COL19A1: variants seen among roughly 807,000 people sequenced by gnomAD.
The protein encoded by COL19A1 is collagen type XIX alpha 1 chain.
In COL19A1, 159 loss-of-function variants were observed where a neutral mutation model predicts 190.2. The ratio of observed to expected loss-of-function variants is 0.84; its 90% CI spans 0.73 to 0.95. COL19A1 has a LOEUF of 0.95. COL19A1 is among the 40% of genes least tolerant of loss of function. The probability of loss-of-function intolerance (pLI) is 0.00; values close to 1 mark genes in which losing one functional copy is unlikely to be tolerated. For synonymous variants in COL19A1, 509 were observed against 458.9 expected (o/e 1.11, Z -1.39); for missense variants, 1,418 against 1,431.9 (o/e 0.99, Z 0.16).
chr6:70,129,051 A>G (rs1020210694), intron 17 of COL19A1, among the ~76,000 whole-genome samples: 3 of 152,236 alleles, frequency 2.0e-5, no homozygotes, highest in African/African-American at 7.2e-5. Context: ...GAACTTACAA[A>G]TACAGATTTT....
At chr6:70,034,182 C>T in intron 12 of COL19A1, 63 bp from the exon 13 acceptor site, 2 of 1,120,882 alleles carry the variant, frequency 1.8e-6, no homozygotes, top group Non-Finnish European at 2.7e-6. Flanking sequence ...TATTTTGTTA[C>T]TAATGACTTG....
chr6:70,065,629 G>A (rs955437518), intron 14 of COL19A1, among the ~76,000 whole-genome samples: 3 of 152,128 alleles, frequency 2.0e-5, no homozygotes, highest in Admixed American at 6.5e-5. Context: ...AAACTAAAGA[G>A]CTTCTGCACA....
At position 70,100,781 on chromosome 6, in the gene COL19A1, GT is replaced by G. The variant is rs558223651; in HGVS notation, c.1225-1383del. On this transcript the variant is annotated intron_variant, in intron 15 of 50. Transcript: ENST00000620364. The stretch of plus-strand genomic sequence containing the variant: ...TTGTGAGCCACCATGCCTAGCCTAT[GT>G]TTTTAATTTTTAAAAAATTTTAAAT... 6.4e-3 allele frequency among the ~76,000 whole-genome samples: 976 copies of G among 152,036 alleles called. 11 individuals are homozygous for G. Among genetic ancestry groups the G allele is most frequent in the African/African-American group, 0.021 (889 of 41,498 alleles).
intron 9 of COL19A1, among the ~76,000 whole-genome samples, chr6:69,945,842 T>G (rs1773761736): frequency 6.6e-6 from 1 of 152,058 alleles, no homozygotes; most frequent in South Asian, 2.1e-4. Context: ...TTCTACCAAG[T>G]GTTAGTGACA....
At chr6:69,983,568 C>T (rs753641232) in intron 11 of COL19A1, among the ~76,000 whole-genome samples, 1 of 151,968 alleles carries the variant, frequency 6.6e-6, no homozygotes, top group Non-Finnish European at 1.5e-5. Context: ...GGAAAGAATT[C>T]AATATTTTAT....
chr6:69,920,830 T>C (rs904264771), intron 4 of COL19A1, among the ~76,000 whole-genome samples: 2 of 150,010 alleles, frequency 1.3e-5, no homozygotes, highest in Admixed American at 6.8e-5. Context: ...TTTATGACAT[T>C]GAACTACATA....
chr6:70,099,697 T>C (rs1257146155), intron 15 of COL19A1, among the ~76,000 whole-genome samples: 1 of 152,158 alleles, frequency 6.6e-6, no homozygotes, highest in Admixed American at 6.5e-5. Context: ...TGATTTAAGG[T>C]GCTAATAGAA....
At chr6:69,993,432 T>C (rs938784387) in intron 11 of COL19A1, among the ~76,000 whole-genome samples, 71 of 152,166 alleles carry the variant, frequency 4.7e-4, no homozygotes, top group African/African-American at 1.5e-3. Context: ...TTAAATTGTA[T>C]CTATGCCAGG....
chr6:70,114,213 A>T (rs1012274401), intron 16 of COL19A1, among the ~76,000 whole-genome samples: 2 of 152,122 alleles, frequency 1.3e-5, no homozygotes, highest in Non-Finnish European at 2.9e-5. Flanking sequence ...TAGTGATTGT[A>T]TACCTCATTA....
chr6:70,160,372 AC>A (rs971335358), intron 34 of COL19A1, among the ~76,000 whole-genome samples: 3 of 151,626 alleles, frequency 2.0e-5, no homozygotes, highest in Non-Finnish European at 4.4e-5. Context: ...TGATCCAATC[AC>A]CTCCCTCCCT....
chr6:69,997,239 T>C (rs932879412), intron 11 of COL19A1, among the ~76,000 whole-genome samples: 4 of 152,202 alleles, frequency 2.6e-5, no homozygotes, highest in African/African-American at 4.8e-5. Context: ...GGAAGCCTTA[T>C]GGACTTGAGG....
chr6:70,107,865 T>G (rs1472281110), intron 16 of COL19A1, among the ~76,000 whole-genome samples: 6 of 152,196 alleles, frequency 3.9e-5, no homozygotes, highest in Non-Finnish European at 7.4e-5. Flanking sequence ...TCTGAGCTGT[T>G]GCATTTTATT....
intron 11 of COL19A1, among the ~76,000 whole-genome samples, chr6:69,976,062 T>C (rs1484766508): frequency 6.6e-6 from 1 of 152,244 alleles, no homozygotes; most frequent in Non-Finnish European, 1.5e-5. Context: ...TAATTAAATC[T>C]AGAATTTTGC....
At chr6:69,907,552 A>G (rs554858282) in intron 4 of COL19A1, among the ~76,000 whole-genome samples, 2 of 152,316 alleles carry the variant, frequency 1.3e-5, no homozygotes, top group East Asian at 3.9e-4. Context: ...AGGGATCTTG[A>G]TATATACTAC....
chr6:70,199,230 G>A (rs1583152665), intron 48 of COL19A1, among the ~76,000 whole-genome samples: 2 of 152,092 alleles, frequency 1.3e-5, no homozygotes, highest in African/African-American at 2.4e-5. Flanking sequence ...CCACACATAC[G>A]TTCACAACAT....
At chr6:69,933,801 C>T (rs1772933215) in intron 7 of COL19A1, among the ~76,000 whole-genome samples, 1 of 151,754 alleles carries the variant, frequency 6.6e-6, no homozygotes, top group African/African-American at 2.4e-5. Context: ...CTTTTTTATT[C>T]CTAATGCTTC....
intron 4 of COL19A1, among the ~76,000 whole-genome samples, chr6:69,922,379 T>G (rs1355981248): frequency 1.3e-5 from 2 of 151,416 alleles, no homozygotes; most frequent in Non-Finnish European, 2.9e-5. Flanking sequence ...TTGATAATAC[T>G]CTTATTTTTT....
At chr6:70,090,692 A>G (rs1782866588) in intron 15 of COL19A1, among the ~76,000 whole-genome samples, 1 of 152,168 alleles carries the variant, frequency 6.6e-6, no homozygotes, top group South Asian at 2.1e-4. Flanking sequence ...CTTCTGGCCT[A>G]TTATCTACCT....
intron 16 of COL19A1, among the ~76,000 whole-genome samples, chr6:70,113,620 T>C (rs956373310): frequency 1.3e-5 from 2 of 152,188 alleles, no homozygotes; most frequent in Admixed American, 1.3e-4. Flanking sequence ...TTTGGCATTA[T>C]TGAAACCTCA....
Sources: allele counts gnomAD v4.1 joint callset (sites outside exome capture counted in the v4.1 genomes callset), GRCh38; gene constraint gnomAD v4.1.1; transcripts MANE v1.5; gene names NCBI Gene and HGNC (gene_info 2026-07-23, HGNC 2026-07-21).